The following PPFIBP1 variants were observed in gnomAD, a reference collection of about 807,000 sequenced individuals.
PPFIBP1 encodes the protein liprin-beta-1.
PPFIBP1 carries 112 observed loss-of-function variants against 137.8 expected under a neutral mutation model. The ratio of observed to expected loss-of-function variants is 0.81; its 90% CI spans 0.70 to 0.95. The LOEUF (loss-of-function observed/expected upper bound fraction) is 0.95. PPFIBP1 is among the 40% of genes least tolerant of loss of function. The pLI is 0.00. For missense variants in PPFIBP1, 1,083 were observed against 1,196.6 expected (o/e 0.91, Z 1.40); for synonymous variants, 378 against 417.3 (o/e 0.91, Z 1.15).
chr12:27,595,069 C>T (rs2053031457), intron 2 of PPFIBP1, among the ~76,000 whole-genome samples: 1 of 152,168 alleles, frequency 6.6e-6, no homozygotes, highest in Non-Finnish European at 1.5e-5. Flanking sequence ...GATTAATGGA[C>T]CAAACATCAC....
chr12:27,592,841 C>T (rs770468092), intron 2 of PPFIBP1: 126 of 579,696 alleles, frequency 2.2e-4, no homozygotes, highest in Non-Finnish European at 3.6e-4. Flanking sequence ...ATCCTTTTAG[C>T]AAAAATAGCC....
intron 13 of PPFIBP1, among the ~76,000 whole-genome samples, chr12:27,670,784 A>ATAATAAT (rs59567133): frequency 7.2e-5 from 10 of 139,438 alleles, no homozygotes; most frequent in Non-Finnish European, 1.4e-4. Flanking sequence ...GTCTCAAAAA[A>ATAATAAT]AAAAAAAAAA....
At position 27,576,549 on chromosome 12, in the gene PPFIBP1, T is replaced by C. The variant is rs374891072; in HGVS notation, c.-123-1603T>C. On this transcript the variant is annotated intron_variant, in intron 1 of 29. Coordinates refer to ENST00000228425, the MANE Select transcript of PPFIBP1 (RefSeq NM_003622.4). Reference sequence around the variant, plus strand: ...CAGAGCAGGAGATGAGGGGGCTAAGTAGGGAAGAAGAGAAGGCCCAGCTCC... The same window carrying C: ...CAGAGCAGGAGATGAGGGGGCTAAGCAGGGAAGAAGAGAAGGCCCAGCTCC... Among the ~76,000 whole-genome samples, 9 of 152,250 alleles carry C rather than the reference T, an allele frequency of 5.9e-5. No individual in the cohort carries two copies. In the South Asian group the frequency reaches 1.7e-3, roughly 28 times the overall value.
Position 27,674,978 on chromosome 12 carries a change from G to GT in PPFIBP1, c.1410+768dup, listed in dbSNP as rs67715002. 2.7e-3 allele frequency among the ~76,000 whole-genome samples: 396 copies of GT among 144,936 alleles called. 2 individuals carry two copies. The highest frequency in any genetic ancestry group is 0.025 in the Middle Eastern group (7 of 282). Reference sequence around the variant, plus strand: ...CAGGCGTGCACCACCATACTCGGCTGTTTTTTTTTTTCGTTTGTTTTTTTT... The same window carrying GT: ...CAGGCGTGCACCACCATACTCGGCTGTTTTTTTTTTTTCGTTTGTTTTTTTT... On this transcript the variant is annotated intron_variant, in intron 17 of 29. Coordinates refer to ENST00000228425, the MANE Select transcript of PPFIBP1 (RefSeq NM_003622.4).
chr12:27,684,739 T>C (rs988240058), intron 24 of PPFIBP1, among the ~76,000 whole-genome samples: 1 of 117,822 alleles, frequency 8.5e-6, no homozygotes, highest in Admixed American at 8.1e-5. Flanking sequence ...TTAATATTAC[T>C]AATATTATTA....
At chr12:27,574,347 A>C (rs142107835) in intron 1 of PPFIBP1, among the ~76,000 whole-genome samples, 168 of 152,298 alleles carry the variant, frequency 1.1e-3, no homozygotes, top group African/African-American at 3.9e-3. Flanking sequence ...AGATGGGAAC[A>C]AACTTGGAAG....
chr12:27,558,596 AACACACAC>A (rs71039821), intron 1 of PPFIBP1, among the ~76,000 whole-genome samples: 2 of 119,802 alleles, frequency 1.7e-5, no homozygotes, highest in Non-Finnish European at 3.5e-5. Flanking sequence ...CCTCTCCACC[AACACACAC>A]ACACACACAC....
chr12:27,620,350 G>A (rs886519845), intron 2 of PPFIBP1, among the ~76,000 whole-genome samples: 9 of 152,050 alleles, frequency 5.9e-5, no homozygotes, highest in Non-Finnish European at 1.3e-4. Flanking sequence ...CTAACCCTCT[G>A]GCTCACCAGC....
intron 2 of PPFIBP1, among the ~76,000 whole-genome samples, chr12:27,610,834 A>G (rs2055019960): frequency 6.6e-6 from 1 of 151,914 alleles, no homozygotes; most frequent in African/African-American, 2.4e-5. Context: ...ACTTAGACAC[A>G]GTTTAGTTTC....
At chr12:27,588,266 G>A (rs748411654) in intron 2 of PPFIBP1, among the ~76,000 whole-genome samples, 10 of 152,150 alleles carry the variant, frequency 6.6e-5, no homozygotes, top group Non-Finnish European at 1.5e-5. Context: ...GCACCTGTGG[G>A]GTAATCTTAG....
intron 2 of PPFIBP1, among the ~76,000 whole-genome samples, chr12:27,608,178 A>G (rs982484269): frequency 4.6e-5 from 7 of 152,216 alleles, no homozygotes; most frequent in African/African-American, 1.7e-4. Context: ...TCACAATTTA[A>G]TAACATATAC....
At chr12:27,580,998 G>C (rs1014412250) in intron 2 of PPFIBP1, among the ~76,000 whole-genome samples, 1 of 151,706 alleles carries the variant, frequency 6.6e-6, no homozygotes, top group Non-Finnish European at 1.5e-5. Flanking sequence ...GGGCTCAAGT[G>C]ATCCTCCCAC....
chr12:27,635,219 CAT>C, intron 4 of PPFIBP1, 104 bp downstream of exon 4: 1 of 1,050,250 alleles, frequency 9.5e-7, no homozygotes, highest in South Asian at 1.4e-5. Context: ...TAGGGCAACA[CAT>C]GTGCTCCGAT....
intron 2 of PPFIBP1, among the ~76,000 whole-genome samples, chr12:27,624,367 T>G (rs2056623946): frequency 6.6e-6 from 1 of 152,238 alleles, no homozygotes; most frequent in Non-Finnish European, 1.5e-5. Context: ...CAGCTTTCTT[T>G]CAACTTGTCA....
chr12:27,677,348 T>A, intron 19 of PPFIBP1: 1 of 558,218 alleles, frequency 1.8e-6, no homozygotes, highest in Middle Eastern at 4.7e-4. Context: ...CCTAGACGTG[T>A]GCAGCATCCC....
In PPFIBP1 at chr12:27,576,872, C is replaced by T. The variant is rs542783853; in HGVS notation, c.-123-1280C>T. Reference sequence around the variant, plus strand: ...TGGCTGCACATCCACTCACTTCTGCCTCTGCTCTCTGAAGCATCTTAGGGT... The same window carrying T: ...TGGCTGCACATCCACTCACTTCTGCTTCTGCTCTCTGAAGCATCTTAGGGT... On this transcript the variant is annotated intron_variant, in intron 1 of 29. Coordinates refer to ENST00000228425, the MANE Select transcript of PPFIBP1 (RefSeq NM_003622.4). 6.6e-5 allele frequency among the ~76,000 whole-genome samples: 10 copies of T among 152,314 alleles called. No homozygotes were observed. The South Asian group carries it at 1.9e-3, about 28-fold the overall frequency.
rs572804154 is a variant in PPFIBP1 at position 27,527,249 on chromosome 12, T to C, written c.-124+2884T>C. 2.0e-5 allele frequency among the ~76,000 whole-genome samples: 3 copies of C among 152,218 alleles called. No individual in the cohort carries two copies. The East Asian group carries it at 5.8e-4, about 29-fold the overall frequency. Reference sequence around the variant, plus strand: ...ACCTCATTCAGCACTCTGTCTTTTCTTTTTTCTTTTTTTTTTTGAGACAGG... The same window carrying C: ...ACCTCATTCAGCACTCTGTCTTTTCCTTTTTCTTTTTTTTTTTGAGACAGG... On this transcript the variant is annotated intron_variant, in intron 1 of 29. Transcript: ENST00000228425.
intron 4 of PPFIBP1, among the ~76,000 whole-genome samples, chr12:27,643,485 A>C (rs142182456): frequency 7.9e-6 from 1 of 125,848 alleles, no homozygotes; most frequent in Admixed American, 7.6e-5. Flanking sequence ...CAAACAGTGA[A>C]TTCAAGGAAG....
chr12:27,609,457 A>G (rs1416298779), intron 2 of PPFIBP1, among the ~76,000 whole-genome samples: 1 of 152,044 alleles, frequency 6.6e-6, no homozygotes, highest in Admixed American at 6.5e-5. Context: ...CTCCTAACAT[A>G]TGTTACATCT....
Sources: allele counts gnomAD v4.1 joint callset (sites outside exome capture counted in the v4.1 genomes callset), GRCh38; gene constraint gnomAD v4.1.1; transcripts MANE v1.5; gene names NCBI Gene and HGNC (gene_info 2026-07-23, HGNC 2026-07-21).